MACROD2: variants seen among roughly 807,000 people sequenced by gnomAD.
MACROD2 encodes the protein ADP-ribose glycohydrolase MACROD2.
MACROD2 carries 36 observed loss-of-function variants against 70.4 expected under a neutral mutation model. The observed-to-expected ratio is 0.51, with a 90% CI of 0.39 to 0.68. The LOEUF (loss-of-function observed/expected upper bound fraction) is 0.68, where lower values mean the gene tolerates loss of function less well. Ranked by LOEUF, MACROD2 falls within the 30% of genes least tolerant of loss-of-function variation. MACROD2 has a pLI of 0.00. For synonymous variants in MACROD2, 172 were observed against 178.8 expected (o/e 0.96, Z 0.30); for missense variants, 496 against 538.4 (o/e 0.92, Z 0.78).
intron 3 of MACROD2, among the ~76,000 whole-genome samples, chr20:14,384,320 C>T (rs1450327764): frequency 1.3e-5 from 2 of 151,946 alleles, no homozygotes; most frequent in South Asian, 2.1e-4. Context: ...TTTGCCTTCA[C>T]GTGACTAATA....
chr20:14,773,987 C>T (rs2072203551), intron 5 of MACROD2, among the ~76,000 whole-genome samples: 2 of 152,078 alleles, frequency 1.3e-5, no homozygotes, highest in Admixed American at 1.3e-4. Context: ...AAACAAATCT[C>T]ATTGGGTCTA....
At chr20:15,467,804 C>G (rs1244719280) in intron 7 of MACROD2, among the ~76,000 whole-genome samples, 1 of 152,186 alleles carries the variant, frequency 6.6e-6, no homozygotes, top group Admixed American at 6.5e-5. Flanking sequence ...GCCAGGTACT[C>G]TGTTTCTTCC....
intron 5 of MACROD2, among the ~76,000 whole-genome samples, chr20:15,206,046 T>G (rs2076698734): frequency 6.6e-6 from 1 of 152,150 alleles, no homozygotes; most frequent in Non-Finnish European, 1.5e-5. Flanking sequence ...ATTACTGTAA[T>G]GAGAAGGTAC....
chr20:15,127,788 A>G (rs748447116), intron 5 of MACROD2, among the ~76,000 whole-genome samples: 2 of 152,154 alleles, frequency 1.3e-5, no homozygotes, highest in South Asian at 2.1e-4. Context: ...GCAATATTCT[A>G]TTGGTCACCC....
chr20:14,135,458 A>C (rs1490362202), intron 3 of MACROD2, among the ~76,000 whole-genome samples: 1 of 152,164 alleles, frequency 6.6e-6, no homozygotes, highest in East Asian at 1.9e-4. Context: ...ACTTGAGGCC[A>C]GGAATTTGAG....
intron 7 of MACROD2, among the ~76,000 whole-genome samples, chr20:15,470,142 C>T (rs561624731): frequency 9.2e-5 from 14 of 152,202 alleles, no homozygotes; most frequent in Admixed American, 2.0e-4. Flanking sequence ...CTCCGCCTGC[C>T]GGGTTCAAGC....
At chr20:14,669,125 A>G (rs1458347976) in intron 4 of MACROD2, among the ~76,000 whole-genome samples, 1 of 152,162 alleles carries the variant, frequency 6.6e-6, no homozygotes, top group Admixed American at 6.6e-5. Flanking sequence ...AATAATGGAA[A>G]GAAAGAAAGT....
At chr20:15,159,329 T>C (rs2076331257) in intron 5 of MACROD2, among the ~76,000 whole-genome samples, 1 of 152,148 alleles carries the variant, frequency 6.6e-6, no homozygotes. Flanking sequence ...TTTCCCTCTC[T>C]TTGTGTGTAG....
At chr20:14,053,059 T>C (rs376962787) in intron 2 of MACROD2, 1 of 151,638 alleles carries the variant, frequency 6.6e-6, no homozygotes, top group South Asian at 2.1e-4. Context: ...GAGAGAATTT[T>C]GTATTATTTT....
In MACROD2 at chr20:14,562,143, C is replaced by T. The variant is rs539634763; in HGVS notation, c.301+68635C>T. On this transcript the variant is annotated intron_variant, in intron 4 of 17. Coordinates refer to ENST00000684519, the MANE Select transcript of MACROD2 (RefSeq NM_001351661.2). Reference sequence around the variant, plus strand: ...GATAGACGTTTTGGCAGAAAAAAGACTTTTTTAATGTCTTGGGATTTGGGA... The same window carrying T: ...GATAGACGTTTTGGCAGAAAAAAGATTTTTTTAATGTCTTGGGATTTGGGA... Among the ~76,000 whole-genome samples the T allele has an allele frequency of 2.7e-3, 411 of 151,852 alleles. 1 individual carries two copies. Among genetic ancestry groups the T allele is most frequent in the African/African-American group, 9.3e-3 (385 of 41,456 alleles).
chr20:15,772,476 A>G (rs1279700950), intron 8 of MACROD2, among the ~76,000 whole-genome samples: 1 of 152,136 alleles, frequency 6.6e-6, no homozygotes, highest in East Asian at 1.9e-4. Flanking sequence ...AAGTAATCAC[A>G]GATTCACAGA....
At chr20:14,236,061 GT>G (rs2081867484) in intron 3 of MACROD2, among the ~76,000 whole-genome samples, 1 of 151,928 alleles carries the variant, frequency 6.6e-6, no homozygotes. Context: ...ATATGACGAA[GT>G]TTCCTAAAAA....
chr20:14,623,681 G>A (rs947972742), intron 4 of MACROD2, among the ~76,000 whole-genome samples: 8 of 152,088 alleles, frequency 5.3e-5, no homozygotes, highest in African/African-American at 1.9e-4. Context: ...AGTGAGAGGA[G>A]CATCATCATC....
At chr20:15,806,059 T>A (rs555564220) in intron 8 of MACROD2, among the ~76,000 whole-genome samples, 1 of 152,230 alleles carries the variant, frequency 6.6e-6, no homozygotes, top group Non-Finnish European at 1.5e-5. Flanking sequence ...CCTCTGGAGA[T>A]ATAGTCAGTA....
At chr20:14,473,870 T>C (rs1336553456) in intron 3 of MACROD2, among the ~76,000 whole-genome samples, 1 of 152,172 alleles carries the variant, frequency 6.6e-6, no homozygotes, top group Non-Finnish European at 1.5e-5. Context: ...TGTCTCCTTT[T>C]AGTTTTTATA....
At chr20:14,757,530 T>C in intron 5 of MACROD2, 1 of 711,876 alleles carries the variant, frequency 1.4e-6, no homozygotes, top group South Asian at 1.7e-5. Context: ...AGACTGTATC[T>C]AGGCCCTGGC....
At chr20:14,013,902 G>A (rs1227813972) in intron 2 of MACROD2, among the ~76,000 whole-genome samples, 3 of 151,730 alleles carry the variant, frequency 2.0e-5, no homozygotes, top group African/African-American at 7.3e-5. Context: ...GGCTGGTCTC[G>A]ACCTCAGGTG....
At chr20:14,876,915 C>G (rs1015118751) in intron 5 of MACROD2, among the ~76,000 whole-genome samples, 2 of 152,066 alleles carry the variant, frequency 1.3e-5, no homozygotes, top group African/African-American at 4.8e-5. Flanking sequence ...TGACTTTGTT[C>G]TTTTTGCTTA....
chr20:14,140,625 C>A (rs1248744894), intron 3 of MACROD2, among the ~76,000 whole-genome samples: 2 of 151,886 alleles, frequency 1.3e-5, no homozygotes, highest in Non-Finnish European at 2.9e-5. Context: ...TTTCTTTTTT[C>A]TTTTTTTGCT....
Sources: gnomAD v4.1 joint callset for allele counts (sites outside exome capture counted in the v4.1 genomes callset) on GRCh38, gnomAD v4.1.1 for gene constraint, MANE v1.5 for transcripts, NCBI Gene and HGNC (gene_info 2026-07-23, HGNC 2026-07-21) for gene names.